GRIN2B: variants seen among roughly 807,000 people sequenced by gnomAD.
GRIN2B encodes the protein glutamate ionotropic receptor NMDA type subunit 2B.
GRIN2B carries 5 observed loss-of-function variants against 114.5 expected under a neutral mutation model. The observed-to-expected ratio is 0.04, with a 90% CI of 0.02 to 0.09. The LOEUF (loss-of-function observed/expected upper bound fraction) is 0.09. GRIN2B is among the 10% of genes least tolerant of loss of function. The pLI, the probability that GRIN2B is intolerant of heterozygous loss-of-function variation, is 1.00. For missense variants in GRIN2B, 1,108 were observed against 1,943.5 expected, an observed-to-expected ratio of 0.57 and a Z score of 8.08; for synonymous variants, 787 against 745.1, an observed-to-expected ratio of 1.06 and a Z score of -0.92.
chr12:13,754,498 G>T (rs555576658), intron 3 of GRIN2B, among the ~76,000 whole-genome samples: 1 of 152,274 alleles, frequency 6.6e-6, no homozygotes, highest in African/African-American at 2.4e-5. Flanking sequence ...TAAGCTCAGT[G>T]GTCCAGAAGG....
At chr12:13,660,902 C>T (rs1247537601) in intron 5 of GRIN2B, among the ~76,000 whole-genome samples, 2 of 152,102 alleles carry the variant, frequency 1.3e-5, no homozygotes, top group Admixed American at 6.5e-5. Flanking sequence ...TGCTTTTCCT[C>T]CTCTCTCTCC....
intron 11 of GRIN2B, among the ~76,000 whole-genome samples, chr12:13,570,493 G>C (rs1458293183): frequency 6.6e-6 from 1 of 152,184 alleles, no homozygotes; most frequent in Non-Finnish European, 1.5e-5. Flanking sequence ...GAAGGTTCCA[G>C]TATTCTGTTG....
At chr12:13,644,200 T>C (rs1301945345) in intron 5 of GRIN2B, among the ~76,000 whole-genome samples, 1 of 152,180 alleles carries the variant, frequency 6.6e-6, no homozygotes, top group Non-Finnish European at 1.5e-5. Context: ...CAATTTTTCC[T>C]TGATCCATAG....
chr12:13,726,140 G>C (rs1019223943), intron 4 of GRIN2B, among the ~76,000 whole-genome samples: 1 of 152,004 alleles, frequency 6.6e-6, no homozygotes, highest in African/African-American at 2.4e-5. Context: ...CTTTAAACTA[G>C]CTACTTTGTA....
At chr12:13,780,410 G>T (rs192893297) in intron 3 of GRIN2B, among the ~76,000 whole-genome samples, 1 of 152,264 alleles carries the variant, frequency 6.6e-6, no homozygotes, top group East Asian at 1.9e-4. Flanking sequence ...CCCAAATATT[G>T]CAGAATGTTA....
chr12:13,635,835 T>C (rs1444032245), intron 5 of GRIN2B, among the ~76,000 whole-genome samples: 1 of 152,198 alleles, frequency 6.6e-6, no homozygotes, highest in Admixed American at 6.5e-5. Context: ...GTTGCCTGTA[T>C]TCACATGTGT....
chr12:13,677,502 A>G (rs546973103), intron 4 of GRIN2B, among the ~76,000 whole-genome samples: 10 of 152,298 alleles, frequency 6.6e-5, no homozygotes, highest in Non-Finnish European at 1.5e-4. Context: ...CACAAATGCA[A>G]TCAAGAACAC....
intron 4 of GRIN2B, among the ~76,000 whole-genome samples, chr12:13,729,983 A>AT (rs5796557): frequency 0.072 from 10,199 of 142,456 alleles, 451 homozygotes; most frequent in Non-Finnish European, 0.11. Context: ...ATATACACCT[A>AT]TTTTTTTTTT....
rs529786039 is a variant in GRIN2B at position 13,643,132 on chromosome 12, T to C, written c.1126-26475A>G. ...CTGGAAATGTGTAAATAATTTTCTT[T>C]AGGAAATATATAAAGGCTATTTTCT... is the stretch of plus-strand genomic sequence containing the variant. On this transcript the variant is annotated intron_variant, in intron 5 of 13. Coordinates refer to ENST00000609686, the MANE Select transcript of GRIN2B (RefSeq NM_000834.5). Among the ~76,000 whole-genome samples, 4 of 152,324 alleles carry C rather than the reference T, an allele frequency of 2.6e-5. No homozygotes were observed. The East Asian group carries it at 5.8e-4, about 22-fold the overall frequency.
chr12:13,747,813 T>C (rs912264981), intron 4 of GRIN2B, among the ~76,000 whole-genome samples: 6 of 152,200 alleles, frequency 3.9e-5, no homozygotes, highest in African/African-American at 1.2e-4. Context: ...AAATAAAAGA[T>C]GGGTAATGAC....
At chr12:13,726,565 T>A (rs1040046347) in intron 4 of GRIN2B, among the ~76,000 whole-genome samples, 1 of 147,696 alleles carries the variant, frequency 6.8e-6, no homozygotes, top group Non-Finnish European at 1.5e-5. Flanking sequence ...TATATATTTA[T>A]ATATTATAAA....
intron 2 of GRIN2B, among the ~76,000 whole-genome samples, chr12:13,953,866 C>T (rs1161256966): frequency 3.3e-5 from 5 of 152,196 alleles, no homozygotes; most frequent in South Asian, 2.1e-4. Context: ...CCCTGATTCC[C>T]AGCATTAAAT....
chr12:13,964,274 AG>A (rs1279681352), intron 2 of GRIN2B, among the ~76,000 whole-genome samples: 2 of 152,196 alleles, frequency 1.3e-5, no homozygotes, highest in Non-Finnish European at 2.9e-5. Flanking sequence ...GCCACCTTAA[AG>A]ACACCATCAA....
intron 3 of GRIN2B, among the ~76,000 whole-genome samples, chr12:13,820,275 G>C (rs1043572457): frequency 6.6e-6 from 1 of 152,094 alleles, no homozygotes; most frequent in Non-Finnish European, 1.5e-5. Flanking sequence ...ACCACCTAGG[G>C]ACACAACCCT....
chr12:13,915,781 A>G (rs1044476643), intron 2 of GRIN2B, among the ~76,000 whole-genome samples: 3 of 152,120 alleles, frequency 2.0e-5, no homozygotes, highest in Non-Finnish European at 4.4e-5. Context: ...TCTTCCAGAC[A>G]AGACATCTGA....
At position 13,569,325 on chromosome 12, in the gene GRIN2B, A is replaced by G. The variant is rs566505536; in HGVS notation, c.2359+505T>C. ...AGTCATTGCAAACATAATTAAGCTG[A>G]GATCATCCCAGAGTATGGTGAACCC... is the stretch of plus-strand genomic sequence containing the variant. On this transcript the variant is annotated intron_variant, in intron 12 of 13. Transcript: ENST00000609686. Among the ~76,000 whole-genome samples the G allele has an allele frequency of 3.9e-5, 6 of 152,316 alleles. No individual in the cohort carries two copies. In the South Asian group the frequency reaches 1.0e-3, roughly 26 times the overall value.
At chr12:13,785,919 T>A (rs1023286041) in intron 3 of GRIN2B, among the ~76,000 whole-genome samples, 8 of 152,230 alleles carry the variant, frequency 5.3e-5, no homozygotes, top group African/African-American at 1.7e-4. Flanking sequence ...TGTTAAGTAA[T>A]GTTTTCATTT....
chr12:13,917,059 C>T (rs980122960), intron 2 of GRIN2B, among the ~76,000 whole-genome samples: 1 of 151,964 alleles, frequency 6.6e-6, no homozygotes, highest in East Asian at 1.9e-4. Flanking sequence ...AGGGGCATTC[C>T]ACACTAAGGG....
intron 4 of GRIN2B, among the ~76,000 whole-genome samples, chr12:13,740,216 G>A (rs529327234): frequency 1.8e-4 from 28 of 152,276 alleles, no homozygotes; most frequent in Admixed American, 7.8e-4. Flanking sequence ...CATTCTGCTA[G>A]TCTTTTAGGC....
Sources: allele counts gnomAD v4.1 joint callset (sites outside exome capture counted in the v4.1 genomes callset), GRCh38; gene constraint gnomAD v4.1.1; transcripts MANE v1.5; gene names NCBI Gene and HGNC (gene_info 2026-07-23, HGNC 2026-07-21).